DNAJC11: variants seen among roughly 807,000 people sequenced by gnomAD.
DNAJC11 encodes dnaJ homolog subfamily C member 11.
Under a neutral mutation model 78.6 loss-of-function variants are expected in DNAJC11, and 15 were observed. The observed-to-expected ratio is 0.19, with a 90% CI of 0.13 to 0.29. The LOEUF (loss-of-function observed/expected upper bound fraction) is 0.29. DNAJC11 is among the 10% of genes least tolerant of loss of function. The pLI is 1.00. For missense variants in DNAJC11, 547 were observed against 709.6 expected (o/e 0.77, Z 2.60); for synonymous variants, 292 against 272.1 (o/e 1.07, Z -0.72).
At chr1:6,667,004 T>C (rs150510772) in intron 4 of DNAJC11, among the ~76,000 whole-genome samples, 8 of 152,306 alleles carry the variant, frequency 5.3e-5, no homozygotes, top group African/African-American at 1.9e-4. Flanking sequence ...CAAGCTATCC[T>C]ACTTGCCACA....
intron 4 of DNAJC11, among the ~76,000 whole-genome samples, chr1:6,657,740 G>A (rs1010541829): frequency 6.6e-6 from 1 of 152,192 alleles, no homozygotes; most frequent in Non-Finnish European, 1.5e-5. Flanking sequence ...TGCCTCCTGG[G>A]TTCACGCCAT....
At chr1:6,687,716 C>T (rs1298467310) in intron 1 of DNAJC11, among the ~76,000 whole-genome samples, 4 of 152,128 alleles carry the variant, frequency 2.6e-5, no homozygotes, top group African/African-American at 7.2e-5. Flanking sequence ...GCTCAACGCC[C>T]CCCTTCTCTC....
intron 4 of DNAJC11, among the ~76,000 whole-genome samples, chr1:6,658,566 C>T (rs968832170): frequency 5.3e-5 from 8 of 152,048 alleles, no homozygotes; most frequent in African/African-American, 1.9e-4. Flanking sequence ...GAGTAGAAAG[C>T]GGGGAGCGGC....
At chr1:6,643,818 C>T (rs1381859815) in intron 10 of DNAJC11, among the ~76,000 whole-genome samples, 5 of 152,122 alleles carry the variant, frequency 3.3e-5, no homozygotes, top group Non-Finnish European at 7.3e-5. Context: ...CTCACTCACT[C>T]GGTGTTGGAA....
At chr1:6,677,345 T>A (rs1445090753) in intron 3 of DNAJC11, among the ~76,000 whole-genome samples, 1 of 152,062 alleles carries the variant, frequency 6.6e-6, no homozygotes, top group Non-Finnish European at 1.5e-5. Context: ...CACGTTAGAG[T>A]GTAGTGGCGT....
chr1:6,687,142 T>G (rs556786508), intron 1 of DNAJC11, among the ~76,000 whole-genome samples: 8 of 152,342 alleles, frequency 5.3e-5, no homozygotes, highest in African/African-American at 1.9e-4. Context: ...GGGTGCTTTG[T>G]GCTGAGTAAG....
At chr1:6,662,194 T>TTTTA (rs1202119259) in intron 4 of DNAJC11, among the ~76,000 whole-genome samples, 1 of 151,418 alleles carries the variant, frequency 6.6e-6, no homozygotes, top group Non-Finnish European at 1.5e-5. Flanking sequence ...GCTACATTAT[T>TTTTA]TTTATTTATT....
At chr1:6,644,306 G>A (rs779370656) in intron 10 of DNAJC11, among the ~76,000 whole-genome samples, 48 of 152,178 alleles carry the variant, frequency 3.2e-4, no homozygotes, top group Non-Finnish European at 6.5e-4. Flanking sequence ...GCTAATTTTT[G>A]TATTTTCAGT....
intron 3 of DNAJC11, chr1:6,670,999 CTTTAAAATACTTTAAAAATTATTCA>C (rs1642370866): frequency 6.6e-6 from 1 of 152,140 alleles, no homozygotes; most frequent in Admixed American, 6.5e-5. Flanking sequence ...AGAAAATATG[CTTTAAAATACTTTAAAAATTATTCA>C]TGACTTTACA....
At chr1:6,670,979 T>C (rs997313015) in intron 3 of DNAJC11, 1 of 152,360 alleles carries the variant, frequency 6.6e-6, no homozygotes, top group African/African-American at 2.4e-5. Context: ...TCCATTAAGT[T>C]TGAAGATCCA....
At chr1:6,696,502 C>A (rs934438961) in intron 1 of DNAJC11, among the ~76,000 whole-genome samples, 13 of 152,182 alleles carry the variant, frequency 8.5e-5, no homozygotes, top group Non-Finnish European at 1.5e-5. Flanking sequence ...TCTTCTAGCC[C>A]TTCCTTTCCA....
rs775635072 is a variant in DNAJC11 at position 6,681,057 on chromosome 1, A to G, written c.73-20T>C. On this transcript the variant is annotated intron_variant, in intron 1 of 15. Transcript: ENST00000377577. ...AGAGGCCTAAAGAAAGAAAAATTCA[A>G]TTAGAGAACAATCAATGCTACTTAA... 4.4e-6 allele frequency: 7 copies of G among 1,587,732 alleles called. No individual in the cohort carries two copies. Among genetic ancestry groups the G allele is most frequent in the African/African-American group, 1.4e-5 (1 of 73,804 alleles).
chr1:6,701,059 G>T (rs1363092720), intron 1 of DNAJC11, among the ~76,000 whole-genome samples: 1 of 152,166 alleles, frequency 6.6e-6, no homozygotes, highest in Non-Finnish European at 1.5e-5. Flanking sequence ...TGTGAATGTT[G>T]AAGCTGTTGT....
Position 6,640,016 on chromosome 1 carries a change from A to C in DNAJC11, c.1139T>G (p.Leu380Trp), listed in dbSNP as rs1330715352. 3 of 1,611,656 alleles carry C rather than the reference A, an allele frequency of 1.9e-6. No homozygotes were observed. The change falls in exon 11 of 16, where the codon TTG (leucine) becomes TGG (tryptophan). Residue 380 changes from leucine to tryptophan, a missense_variant. Leu to Trp is a moderately conservative substitution (Grantham distance 61). Coordinates refer to ENST00000377577, the MANE Select transcript of DNAJC11 (RefSeq NM_018198.4). ...GGCGCTGGGCAGAAGCTGGTCCGTCAAGTGAATAGGGAAGAAGTATGTCTG... is the reference window on the plus strand; with the variant it reads ...GGCGCTGGGCAGAAGCTGGTCCGTCCAGTGAATAGGGAAGAAGTATGTCTG... ...ASQTYFFPIHLTDQLLPSAMF... is the reference protein window; with the variant it reads ...ASQTYFFPIHWTDQLLPSAMF...
chr1:6,660,262 T>C (rs1557475764), intron 4 of DNAJC11, among the ~76,000 whole-genome samples: 1 of 151,488 alleles, frequency 6.6e-6, no homozygotes, highest in Admixed American at 6.6e-5. Flanking sequence ...GTTCAAGTGA[T>C]TCTCCTGCCT....
In DNAJC11 at chr1:6,641,406, TAC is replaced by T. The variant is rs70981395; in HGVS notation, c.1098-1351_1098-1350del. On this transcript the variant is annotated intron_variant, in intron 10 of 15. Coordinates refer to ENST00000377577, the MANE Select transcript of DNAJC11 (RefSeq NM_018198.4). The stretch of plus-strand genomic sequence containing the variant: ...AAAAAAAAAAATATATATATATATA[TAC>T]ACACACACACACACACACACACACA... Among the ~76,000 whole-genome samples, 1,306 of 139,960 alleles carry T rather than the reference TAC, an allele frequency of 9.3e-3. 18 individuals are homozygous for T. Among genetic ancestry groups the T allele is most frequent in the South Asian group, 0.014 (64 of 4,514 alleles). The allele number at this position is 139,960 out of a possible 152,430, so 91.8% of individuals were successfully genotyped here. A position where few individuals can be genotyped will look rare whatever the true frequency, so the allele number is the denominator to read the frequency against.
At chr1:6,685,196 G>A (rs558255836) in intron 1 of DNAJC11, among the ~76,000 whole-genome samples, 60 of 152,354 alleles carry the variant, frequency 3.9e-4, no homozygotes, top group African/African-American at 1.3e-3. Flanking sequence ...TGGATAATAT[G>A]TCTGTACCAC....
At chr1:6,639,328 C>CTTTTT (rs869051941) in intron 11 of DNAJC11, among the ~76,000 whole-genome samples, 2 of 136,830 alleles carry the variant, frequency 1.5e-5, no homozygotes, top group African/African-American at 2.7e-5. Flanking sequence ...AGGATCAACA[C>CTTTTT]TTTTTTTTTT....
At chr1:6,637,708 A>G in intron 12 of DNAJC11, 1 of 617,930 alleles carries the variant, frequency 1.6e-6, no homozygotes, top group East Asian at 2.7e-5. Context: ...TCTGGGTCAG[A>G]AGGTGAGAAG....
Sources: allele counts gnomAD v4.1 joint callset (sites outside exome capture counted in the v4.1 genomes callset), GRCh38; gene constraint gnomAD v4.1.1; transcripts MANE v1.5; gene names NCBI Gene and HGNC (gene_info 2026-07-23, HGNC 2026-07-21).